The following RIC1 variants were observed in gnomAD, a reference collection of about 807,000 sequenced individuals.
The protein encoded by RIC1 is guanine nucleotide exchange factor subunit RIC1.
A neutral mutation model predicts 169.0 loss-of-function variants in RIC1; 88 were observed. The observed-to-expected ratio is 0.52, with a 90% CI of 0.44 to 0.62. RIC1 has a LOEUF of 0.62. RIC1 is among the 20% of genes least tolerant of loss of function. The pLI, the probability that RIC1 is intolerant of heterozygous loss-of-function variation, is 0.00. For synonymous variants in RIC1, 790 were observed against 601.5 expected, an observed-to-expected ratio of 1.31 and a Z score of -4.59; for missense variants, 1,877 against 1,725.5, an observed-to-expected ratio of 1.09 and a Z score of -1.56.
intron 7 of RIC1, among the ~76,000 whole-genome samples, chr9:5,738,202 C>T (rs533020460): frequency 1.6e-4 from 24 of 152,142 alleles, no homozygotes; most frequent in Admixed American, 1.0e-3. Context: ...AAAATTATCA[C>T]AATAGTACAA....
rs749389851 is a variant in RIC1, at chr9:5,720,314, G to A, written c.573G>A (p.Gln191=). Reference sequence around the variant, plus strand: ...CAGTACCCTTTTCAGTAGACCTGCAGTCATCTAGAGGTAGCTATACTTTCT... The same window carrying A: ...CAGTACCCTTTTCAGTAGACCTGCAATCATCTAGAGGTAGCTATACTTTCT... ...LCTVPFSVDL[Q]SSRVGSFLGF... is the part of the protein sequence containing the mutation. The change falls in exon 5 of 26, where the codon CAG becomes CAA. Residue 191 remains glutamine (Q), a synonymous_variant. Transcript: ENST00000414202. 4 of 1,612,502 alleles carry A rather than the reference G, an allele frequency of 2.5e-6. No homozygotes were observed. The highest frequency in any genetic ancestry group is 3.4e-6 in the Non-Finnish European group (4 of 1,179,418).
chr9:5,707,358 G>T (rs543883438), intron 3 of RIC1, among the ~76,000 whole-genome samples: 9 of 152,000 alleles, frequency 5.9e-5, no homozygotes, highest in Non-Finnish European at 1.3e-4. Context: ...TTCTGCTGTT[G>T]GGTGGCATAT....
chr9:5,668,780 T>G (rs760722644), intron 2 of RIC1, among the ~76,000 whole-genome samples: 1 of 152,174 alleles, frequency 6.6e-6, no homozygotes, highest in Non-Finnish European at 1.5e-5. Flanking sequence ...GTTTAGACAT[T>G]GTTTTCTTGA....
chr9:5,667,219 G>A (rs1305136586), intron 2 of RIC1, among the ~76,000 whole-genome samples: 1 of 152,158 alleles, frequency 6.6e-6, no homozygotes, highest in Non-Finnish European at 1.5e-5. Flanking sequence ...CTGCTCAGGA[G>A]GGTGAGTCAG....
intron 2 of RIC1, among the ~76,000 whole-genome samples, chr9:5,680,265 G>A (rs561156212): frequency 6.6e-6 from 1 of 152,112 alleles, no homozygotes; most frequent in East Asian, 1.9e-4. Context: ...GAGGATTTTT[G>A]CTTCAATGTT....
chr9:5,774,042 T>G lies in RIC1; in HGVS notation c.4068T>G (p.Asp1356Glu). 8 of 1,614,108 alleles carry G rather than the reference T, an allele frequency of 5.0e-6. No individual in the cohort carries two copies. The highest frequency in any genetic ancestry group is 6.8e-6 in the Non-Finnish European group (8 of 1,179,980). Reference sequence around the variant, plus strand: ...TAACAGAAGAGCAGGTCCAGCCAGATGCCTTCCAACCAATAACTATGGGTA... The same window carrying G: ...TAACAGAAGAGCAGGTCCAGCCAGAGGCCTTCCAACCAATAACTATGGGTA... Reference protein sequence around the residue: ...SEITEEQVQPDAFQPITMGKT... With the variant: ...SEITEEQVQPEAFQPITMGKT... Residue 1356 changes from aspartate to glutamate, a missense_variant, in exon 26 of 26, where the codon GAT becomes GAG. Asp to Glu is a conservative substitution (Grantham distance 45). Around this residue, in one of 3 missense-constraint regions of RIC1, gnomAD observed 681 missense variants for 582.0 expected, o/e 1.17. Coordinates refer to ENST00000414202, the MANE Select transcript of RIC1 (RefSeq NM_020829.4).
intron 3 of RIC1, among the ~76,000 whole-genome samples, chr9:5,701,051 T>G (rs1202491205): frequency 6.6e-6 from 1 of 152,318 alleles, no homozygotes; most frequent in South Asian, 2.1e-4. Flanking sequence ...CTTCTCAAAA[T>G]TTATCAAAAC....
At chr9:5,757,269 T>C (rs746795114) in intron 16 of RIC1, 44 bp from the exon 17 acceptor site, 21 of 1,606,002 alleles carry the variant, frequency 1.3e-5, no homozygotes, top group East Asian at 2.2e-5. Context: ...GAAAATCTTA[T>C]TAGCATTGTT....
chr9:5,700,533 G>A (rs1376641977), intron 3 of RIC1, among the ~76,000 whole-genome samples: 3 of 151,856 alleles, frequency 2.0e-5, no homozygotes, highest in South Asian at 4.2e-4. Context: ...CACTTTTAGA[G>A]GGGAATCTTA....
intron 1 of RIC1, among the ~76,000 whole-genome samples, chr9:5,645,304 G>T (rs1818451351): frequency 6.6e-6 from 1 of 152,138 alleles, no homozygotes; most frequent in Non-Finnish European, 1.5e-5. Flanking sequence ...CTCCGAAAGT[G>T]TTGGAATTAC....
At chr9:5,641,717 A>G (rs1395100100) in intron 1 of RIC1, among the ~76,000 whole-genome samples, 1 of 116,994 alleles carries the variant, frequency 8.5e-6, no homozygotes, top group African/African-American at 5.0e-5. Context: ...ACTCTGATGC[A>G]TTCTTCAGTT....
In RIC1 at chr9:5,770,117, C is replaced by G; in HGVS notation, c.3455C>G (p.Ala1152Gly). Reference sequence around the variant, plus strand: ...GAGCAGCTGTTAAAGTCTCAATCAGCTGACCCATTTTTGAACCTTGAGATG... The same window carrying G: ...GAGCAGCTGTTAAAGTCTCAATCAGGTGACCCATTTTTGAACCTTGAGATG... ...VGEQLLKSQSADPFLNLEMDA... is the reference protein window; with the variant it reads ...VGEQLLKSQSGDPFLNLEMDA... The change falls in exon 23 of 26, where the codon GCT (alanine) becomes GGT (glycine). Residue 1152 changes from alanine to glycine, a missense_variant. Physicochemically the swap from Ala to Gly is moderately conservative, Grantham distance 60 (BLOSUM62 0). Around this residue, in one of 3 missense-constraint regions of RIC1, gnomAD observed 681 missense variants for 582.0 expected, o/e 1.17. Coordinates refer to ENST00000414202, the MANE Select transcript of RIC1 (RefSeq NM_020829.4). The G allele has an allele frequency of 1.2e-6, 2 of 1,613,268 alleles. No homozygotes were observed. Among genetic ancestry groups the G allele is most frequent in the Non-Finnish European group, 1.7e-6 (2 of 1,179,646 alleles).
chr9:5,768,690 C>G (rs76965057), intron 21 of RIC1, among the ~76,000 whole-genome samples: 9,057 of 152,182 alleles, frequency 0.06, 890 homozygotes, highest in African/African-American at 0.21. Context: ...GCCTTTCTTT[C>G]TGTCAGCCAC....
At chr9:5,773,497 T>TA (rs1239724568) in intron 25 of RIC1, among the ~76,000 whole-genome samples, 1 of 152,164 alleles carries the variant, frequency 6.6e-6, no homozygotes, top group Admixed American at 6.5e-5. Flanking sequence ...AAATCCAAAT[T>TA]AGAGTTGTGG....
chr9:5,660,798 G>A lies in RIC1; in HGVS notation c.252+4108G>A, dbSNP rs118131438. ...TCCAAAAATTTGCTACCATTCTGTT[G>A]TTTATCTGCTCACTCCAATGATAGT... On this transcript the variant is annotated intron_variant, in intron 2 of 25. Coordinates refer to ENST00000414202, the MANE Select transcript of RIC1 (RefSeq NM_020829.4). 8.1e-3 allele frequency among the ~76,000 whole-genome samples: 1,238 copies of A among 151,922 alleles called. 14 individuals carry two copies. Among genetic ancestry groups the A allele is most frequent in the Non-Finnish European group, 1.0e-2 (679 of 67,946 alleles).
chr9:5,638,271 C>T (rs1431066105), intron 1 of RIC1, among the ~76,000 whole-genome samples: 2 of 152,156 alleles, frequency 1.3e-5, no homozygotes, highest in African/African-American at 4.8e-5. Flanking sequence ...AGGGTTTTCA[C>T]ATCAGTGTTC....
intron 12 of RIC1, among the ~76,000 whole-genome samples, chr9:5,749,764 CTTTTTTTTTTTTTTTTTTT>C (rs769556596): frequency 2.8e-5 from 1 of 36,302 alleles, no homozygotes; most frequent in East Asian, 1.4e-3. Flanking sequence ...AAAGGCGGTG[CTTTTTTTTTTTTTTTTTTT>C]TTTTTTTTTT....
chr9:5,645,963 T>TG (rs397706006), intron 1 of RIC1, among the ~76,000 whole-genome samples: 2 of 151,208 alleles, frequency 1.3e-5, no homozygotes, highest in African/African-American at 4.9e-5. Flanking sequence ...TTTTTTTTTT[T>TG]GAGAAATTTT....
At chr9:5,649,248 A>G (rs1414201300) in intron 1 of RIC1, among the ~76,000 whole-genome samples, 1 of 152,214 alleles carries the variant, frequency 6.6e-6, no homozygotes, top group East Asian at 1.9e-4. Context: ...GTCTAAATAA[A>G]TGGTAATTAC....
Sources: gnomAD v4.1 joint callset for allele counts (sites outside exome capture counted in the v4.1 genomes callset) on GRCh38, gnomAD v4.1.1 for gene constraint, gnomAD v4.1.1 regional missense constraint, MANE v1.5 for transcripts, NCBI Gene and HGNC (gene_info 2026-07-23, HGNC 2026-07-21) for gene names.